FBN2: variants seen among roughly 807,000 people sequenced by gnomAD.
The protein encoded by FBN2 is fibrillin-2.
FBN2 carries 105 observed loss-of-function variants against 355.6 expected under a neutral mutation model. That is an observed-to-expected ratio of 0.30 (90% CI 0.25 to 0.35). The LOEUF (loss-of-function observed/expected upper bound fraction) is 0.35. Among genes scored for constraint, FBN2 ranks in the 10% least tolerant of loss-of-function variants. The pLI is 1.00. For missense variants in FBN2, 3,280 were observed against 3,758.7 expected (o/e 0.87, Z 3.33); for synonymous variants, 1,350 against 1,301.2 (o/e 1.04, Z -0.81).
chr5:128,277,885 C>G lies in FBN2; in HGVS notation c.7466G>C (p.Cys2489Ser). ...GYTTDISGTS[C>S]IDLDECSQSP... ...ATAGAGGTGCCCATCGTTACCTATA[C>G]AAGAGGTTCCACTGATGTCTGTGGT... Residue 2489 changes from cysteine to serine, a missense_variant, in exon 58 of 65, where the codon TGT becomes TCT. Physicochemically the swap from Cys to Ser is moderately radical, Grantham distance 112. Around this residue, in one of 6 missense-constraint regions of FBN2, gnomAD observed 2,284 missense variants for 2,749.5 expected, o/e 0.83. Coordinates refer to ENST00000262464, the MANE Select transcript of FBN2 (RefSeq NM_001999.4). 1 of 1,614,168 alleles carries G rather than the reference C, an allele frequency of 6.2e-7. No homozygotes were observed. Among genetic ancestry groups the G allele is most frequent in the South Asian group, 1.1e-5 (1 of 91,084 alleles).
intron 5 of FBN2, among the ~76,000 whole-genome samples, chr5:128,504,977 C>T (rs1231350510): frequency 2.0e-5 from 3 of 152,142 alleles, no homozygotes; most frequent in Non-Finnish European, 4.4e-5. Context: ...TTTCCCCATA[C>T]TGTTCTCATG....
chr5:128,498,577 C>A lies in FBN2; in HGVS notation c.628+20696G>T, dbSNP rs147436101. On this transcript the variant is annotated intron_variant, in intron 5 of 64. Coordinates refer to ENST00000262464, the MANE Select transcript of FBN2 (RefSeq NM_001999.4). The stretch of plus-strand genomic sequence containing the variant: ...CCTTCACAAATTATTTATATTTTTA[C>A]AAGAGAGAGCTCAAGTTCCTCTGGC... Among the ~76,000 whole-genome samples, 3 of 152,264 alleles carry A rather than the reference C, an allele frequency of 2.0e-5. No individual in the cohort carries two copies. The East Asian group carries it at 5.8e-4, about 29-fold the overall frequency.
intron 21 of FBN2, among the ~76,000 whole-genome samples, chr5:128,350,580 G>A (rs1304053386): frequency 6.6e-6 from 1 of 152,056 alleles, no homozygotes; most frequent in African/African-American, 2.4e-5. Flanking sequence ...AAGATTTGAG[G>A]AAAACAGCCA....
intron 18 of FBN2, among the ~76,000 whole-genome samples, chr5:128,362,652 A>G (rs946249295): frequency 6.6e-6 from 1 of 152,110 alleles, no homozygotes; most frequent in African/African-American, 2.4e-5. Flanking sequence ...TTTTTTAGAG[A>G]TGGGATCTCA....
intron 5 of FBN2, among the ~76,000 whole-genome samples, chr5:128,510,053 C>A (rs1756073077): frequency 6.6e-6 from 1 of 152,148 alleles, no homozygotes; most frequent in Admixed American, 6.5e-5. Flanking sequence ...CTCTATATAT[C>A]TGTTTCCTCA....
At chr5:128,491,737 T>G (rs1178417990) in intron 5 of FBN2, among the ~76,000 whole-genome samples, 5 of 152,228 alleles carry the variant, frequency 3.3e-5, no homozygotes, top group Admixed American at 3.3e-4. Context: ...AAGTCTACCT[T>G]GATGAATAAA....
chr5:128,522,075 G>A (rs115868822), intron 4 of FBN2, among the ~76,000 whole-genome samples: 143 of 151,808 alleles, frequency 9.4e-4, no homozygotes, highest in African/African-American at 3.2e-3. Flanking sequence ...AATATTGAAG[G>A]AACTCATATA....
At chr5:128,321,834 TA>T (rs1030088048) in intron 34 of FBN2, among the ~76,000 whole-genome samples, 1 of 152,184 alleles carries the variant, frequency 6.6e-6, no homozygotes, top group Non-Finnish European at 1.5e-5. Context: ...GGTCAAATGG[TA>T]TTTCTGGTTC....
chr5:128,417,333 T>C (rs752681804), intron 7 of FBN2, among the ~76,000 whole-genome samples: 6 of 152,224 alleles, frequency 3.9e-5, no homozygotes, highest in Non-Finnish European at 8.8e-5. Flanking sequence ...CTAATTTGTA[T>C]GCCTTTTATT....
At chr5:128,304,533 T>C (rs1749814067) in intron 45 of FBN2, among the ~76,000 whole-genome samples, 1 of 152,204 alleles carries the variant, frequency 6.6e-6, no homozygotes, top group Non-Finnish European at 1.5e-5. Flanking sequence ...TGTGCATATG[T>C]GTATAAATTT....
At chr5:128,484,455 G>A (rs546041714) in intron 5 of FBN2, among the ~76,000 whole-genome samples, 13 of 152,142 alleles carry the variant, frequency 8.5e-5, no homozygotes, top group Middle Eastern at 3.2e-3. Flanking sequence ...ACACAAGGAA[G>A]CATGCAAATC....
chr5:128,405,855 C>G lies in FBN2; in HGVS notation c.1078+2819G>C, dbSNP rs543627396. ...ATTTCCAGAACTTCACAATAATAAC[C>G]TCACTTCCTTCTCCAGGCATATTTC... On this transcript the variant is annotated intron_variant, in intron 8 of 64. Transcript: ENST00000262464. 3.3e-5 allele frequency among the ~76,000 whole-genome samples: 5 copies of G among 152,198 alleles called. No individual in the cohort carries two copies. In the South Asian group the frequency reaches 1.0e-3, roughly 32 times the overall value.
At chr5:128,339,535 T>C (rs559154571) in intron 25 of FBN2, among the ~76,000 whole-genome samples, 4 of 152,132 alleles carry the variant, frequency 2.6e-5, no homozygotes, top group Admixed American at 6.5e-5. Flanking sequence ...CGATGTATGA[T>C]GGCACCACTG....
chr5:128,275,605 C>A (rs1480376447), intron 59 of FBN2, among the ~76,000 whole-genome samples: 2 of 151,898 alleles, frequency 1.3e-5, no homozygotes, highest in Non-Finnish European at 2.9e-5. Flanking sequence ...TCTAATTTAG[C>A]TTGATAAATA....
chr5:128,377,886 A>G lies in FBN2; in HGVS notation c.1724-9T>C. 1 of 1,612,344 alleles carries G rather than the reference A, an allele frequency of 6.2e-7. No individual in the cohort carries two copies. Among genetic ancestry groups the G allele is most frequent in the Non-Finnish European group, 8.5e-7 (1 of 1,178,514 alleles). On this transcript the variant is annotated splice_polypyrimidine_tract_variant and intron_variant, in intron 12 of 64. Coordinates refer to ENST00000262464, the MANE Select transcript of FBN2 (RefSeq NM_001999.4). Reference sequence around the variant, plus strand: ...GATGCACTCATCAATATCTAGGAAGATTGAGAATGGCCAAACATCATTCTT... The same window carrying G: ...GATGCACTCATCAATATCTAGGAAGGTTGAGAATGGCCAAACATCATTCTT...
intron 34 of FBN2, among the ~76,000 whole-genome samples, chr5:128,326,042 G>A (rs549300636): frequency 1.2e-4 from 19 of 152,094 alleles, no homozygotes; most frequent in African/African-American, 4.1e-4. Flanking sequence ...TTCTTCCATC[G>A]TGGGTTGGTT....
Position 128,328,508 on chromosome 5 carries a change from A to G in FBN2, c.4471+188T>C, listed in dbSNP as rs539623608. 3.5e-4 allele frequency: 248 copies of G among 710,712 alleles called. 3 individuals carry two copies. Among genetic ancestry groups the G allele is most frequent in the South Asian group, 3.4e-3 (221 of 64,288 alleles). The allele number at this position is 710,712 out of a possible 1,614,324, so 44.0% of individuals were successfully genotyped here. A position where few individuals can be genotyped will look rare whatever the true frequency, so the allele number is the denominator to read the frequency against. ...ACTGGCTCTTGGCCAGGAAAACTTC[A>G]TAAGAGATGAAAGCCGCCATCATCA... On this transcript the variant is annotated intron_variant, in intron 34 of 64. Coordinates refer to ENST00000262464, the MANE Select transcript of FBN2 (RefSeq NM_001999.4).
intron 7 of FBN2, among the ~76,000 whole-genome samples, chr5:128,441,804 G>A (rs1753929527): frequency 6.6e-6 from 1 of 152,090 alleles, no homozygotes; most frequent in African/African-American, 2.4e-5. Context: ...TAACTACAGT[G>A]TTATAAATTA....
chr5:128,349,318 C>T (rs1352063881), intron 23 of FBN2, 29 bp downstream of exon 23: 2 of 1,613,700 alleles, frequency 1.2e-6, no homozygotes, highest in South Asian at 2.2e-5. Context: ...TTGTTTTATA[C>T]ATAGAATACA....
Sources: gnomAD v4.1 joint callset for allele counts (sites outside exome capture counted in the v4.1 genomes callset) on GRCh38, gnomAD v4.1.1 for gene constraint, gnomAD v4.1.1 regional missense constraint, MANE v1.5 for transcripts, NCBI Gene and HGNC (gene_info 2026-07-23, HGNC 2026-07-21) for gene names.